Variants in KDM3A observed in about 807,000 individuals in gnomAD.
The protein encoded by KDM3A is lysine-specific demethylase 3A.
Under a neutral mutation model 158.0 loss-of-function variants are expected in KDM3A, and 60 were observed. The observed-to-expected ratio is 0.38, with a 90% CI of 0.31 to 0.47. The LOEUF (loss-of-function observed/expected upper bound fraction) is 0.47. KDM3A is among the 20% of genes least tolerant of loss of function. The probability of loss-of-function intolerance (pLI) is 0.99; values close to 1 mark genes in which losing one functional copy is unlikely to be tolerated. For synonymous variants in KDM3A, 608 were observed against 549.3 expected (o/e 1.11, Z -1.49); for missense variants, 1,319 against 1,574.3 (o/e 0.84, Z 2.74).
intron 8 of KDM3A, 92 bp from the exon 9 acceptor site, chr2:86,463,961 A>T: frequency 1.2e-6 from 1 of 868,474 alleles, no homozygotes; most frequent in Non-Finnish European, 1.7e-6. Flanking sequence ...ATGTTTGTTT[A>T]GTATTAAGCA....
At position 86,457,033 on chromosome 2, in the gene KDM3A, G is replaced by A; in HGVS notation, c.805G>A (p.Gly269Arg). The A allele has an allele frequency of 1.3e-6, 2 of 1,596,366 alleles. No individual in the cohort carries two copies. Among genetic ancestry groups the A allele is most frequent in the Non-Finnish European group, 1.7e-6 (2 of 1,169,124 alleles). ...AVKRKSSENN[G>R]TLVSKQAKSC... ...AAAACGCAAGTCTTCTGAGAATAAT[G>A]GAACCCTGGTTTCCAAACAAGCAAA... Residue 269 changes from glycine (G) to arginine (R), a missense_variant, in exon 8 of 26, where the codon GGA (glycine) becomes AGA (arginine). Around this residue, in one of 4 missense-constraint regions of KDM3A, gnomAD observed 652 missense variants for 627.2 expected, o/e 1.04. Transcript: ENST00000312912.
intron 21 of KDM3A, chr2:86,488,664 G>A (rs534247256): frequency 6.6e-6 from 1 of 152,448 alleles, no homozygotes; most frequent in Non-Finnish European, 1.5e-5. Context: ...ACTACAAGCT[G>A]TGCTTCTCCC....
upstream of KDM3A, among the ~76,000 whole-genome samples, chr2:86,440,112 C>T (rs1682610567): frequency 6.6e-6 from 1 of 152,124 alleles, no homozygotes; most frequent in Non-Finnish European, 1.5e-5. Flanking sequence ...CTTCTTTCAG[C>T]TGGATAGGTT....
intron 23 of KDM3A, 169 bp from the exon 24 acceptor site, chr2:86,490,712 G>A (rs937905190): frequency 5.5e-6 from 3 of 543,646 alleles, no homozygotes; most frequent in African/African-American, 3.8e-5. Flanking sequence ...TCTTCTGTTG[G>A]TTCATTCAGC....
chr2:86,452,195 C>CTTTTTTTTTTTTTTT (rs35158232), intron 4 of KDM3A, among the ~76,000 whole-genome samples: 1 of 138,666 alleles, frequency 7.2e-6, no homozygotes. Flanking sequence ...CATTTTTGTG[C>CTTTTTTTTTTTTTTT]TTTTTTTTTT....
At chr2:86,461,914 C>T (rs1350371287) in intron 8 of KDM3A, among the ~76,000 whole-genome samples, 1 of 152,094 alleles carries the variant, frequency 6.6e-6, no homozygotes, top group African/African-American at 2.4e-5. Flanking sequence ...GGAGGAGGAG[C>T]AGGAGTGGTA....
At chr2:86,456,594 A>G (rs1418881335) in intron 6 of KDM3A, 28 bp downstream of exon 6, 4 of 1,588,456 alleles carry the variant, frequency 2.5e-6, no homozygotes, top group Non-Finnish European at 3.4e-6. Context: ...TCTTTGTAAG[A>G]TAACTCGACA....
At position 86,482,671 on chromosome 2, in the gene KDM3A, AG is replaced by A; in HGVS notation, c.2902del (p.Glu968SerfsTer9). The A allele has an allele frequency of 6.2e-7, 1 of 1,614,050 alleles. No individual in the cohort carries two copies. Among genetic ancestry groups the A allele is most frequent in the Non-Finnish European group, 8.5e-7 (1 of 1,180,014 alleles). On this transcript the variant is annotated frameshift_variant, in exon 18 of 26. Transcript: ENST00000312912. LOFTEE classifies it high-confidence loss of function. ...PNNKSNWNVFRECWKQGQPVM... is the reference protein window; with the variant it reads ...PNNKSNWNVFXECWKQGQPVM... ...CAATAAGAGCAACTGGAATGTGTTT[AG>A]GGAGTGCTGGAAACAAGGGCAGGTA...
At position 86,456,438 on chromosome 2, in the gene KDM3A, T is replaced by A; in HGVS notation, c.557-4T>A. ...AAGATTTTTTTTTTTTTTTTTTTTTTAAGGTGACAAAAACTTAGTTGGTTC... is the reference window on the plus strand; with the variant it reads ...AAGATTTTTTTTTTTTTTTTTTTTTAAAGGTGACAAAAACTTAGTTGGTTC... On this transcript the variant is annotated splice_polypyrimidine_tract_variant and splice_region_variant and intron_variant, in intron 5 of 25. Transcript: ENST00000312912. The A allele has an allele frequency of 4.1e-6, 6 of 1,462,626 alleles. No homozygotes were observed. The highest frequency in any genetic ancestry group is 2.7e-5 in the South Asian group (2 of 74,364). 90.6% of individuals were successfully genotyped at this position (1,462,626 alleles called of 1,614,324 possible).
intron 12 of KDM3A, 84 bp downstream of exon 12, chr2:86,475,074 G>GT (rs1305025837): frequency 1.4e-4 from 156 of 1,091,770 alleles, no homozygotes; most frequent in South Asian, 8.1e-4. Context: ...AATTGCTTGG[G>GT]TTTTTTTTCA....
At chr2:86,482,190 G>T in intron 17 of KDM3A, 88 bp downstream of exon 17, 1 of 1,417,340 alleles carries the variant, frequency 7.1e-7, no homozygotes, top group Non-Finnish European at 9.9e-7. Context: ...AAGTAGAAAG[G>T]AGACTGAATC....
intron 14 of KDM3A, 66 bp from the exon 15 acceptor site, chr2:86,478,542 C>T (rs1573196732): frequency 3.2e-6 from 5 of 1,559,182 alleles, no homozygotes; most frequent in Non-Finnish European, 4.4e-6. Flanking sequence ...AGCTTCTGCT[C>T]TGTAATGTTG....
At chr2:86,487,939 CCTGCTGAGGCTTT>C (rs1267473737) in intron 21 of KDM3A, 1 of 152,256 alleles carries the variant, frequency 6.6e-6, no homozygotes, top group African/African-American at 2.4e-5. Flanking sequence ...GGCAGCCAGT[CCTGCTGAGGCTTT>C]GCCTCCTAGT....
chr2:86,482,432 A>G (rs1673978715), intron 17 of KDM3A, 26 bp from the exon 18 acceptor site: 6 of 1,608,332 alleles, frequency 3.7e-6, no homozygotes, highest in Non-Finnish European at 5.1e-6. Flanking sequence ...GACATATTTG[A>G]GACTTTTGTT....
chr2:86,480,835 C>T (rs958263369), intron 16 of KDM3A, among the ~76,000 whole-genome samples: 3 of 152,176 alleles, frequency 2.0e-5, no homozygotes, highest in Non-Finnish European at 4.4e-5. Flanking sequence ...TTTATACATA[C>T]CTTAGAAAGA....
chr2:86,486,376 C>T (rs1674181527), intron 21 of KDM3A, among the ~76,000 whole-genome samples: 1 of 152,134 alleles, frequency 6.6e-6, no homozygotes, highest in Admixed American at 6.5e-5. Context: ...AGGAGGATGC[C>T]TGGGATAAAG....
chr2:86,485,991 T>TA, intron 21 of KDM3A, 132 bp downstream of exon 21: 1 of 950,322 alleles, frequency 1.1e-6, no homozygotes, highest in African/African-American at 1.7e-5. Flanking sequence ...CTTTCATTTT[T>TA]ACATATTTCC....
chr2:86,458,693 C>T (rs949521700), intron 8 of KDM3A, among the ~76,000 whole-genome samples: 8 of 151,980 alleles, frequency 5.3e-5, no homozygotes, highest in Admixed American at 3.3e-4. Context: ...ACAGGGAGGA[C>T]GTGTCTTGTT....
chr2:86,490,953 C>T lies in KDM3A; in HGVS notation c.3646C>T (p.Arg1216Ter), dbSNP rs759993386. ...PIHDQSWYLD[R>*]SLRKRLHQEY... ...TCATGATCAAAGCTGGTATTTAGAC[C>T]GATCATTAAGAAAACGTCTTCATCA... Residue 1216 changes from arginine to a stop codon, truncating the protein, a stop_gained, in exon 24 of 26, where the codon CGA becomes TGA. Transcript: ENST00000312912. LOFTEE classifies it high-confidence loss of function. The T allele has an allele frequency of 6.2e-7, 1 of 1,613,732 alleles. No individual in the cohort carries two copies. The highest frequency in any genetic ancestry group is 8.5e-7 in the Non-Finnish European group (1 of 1,179,764).
Sources: allele counts gnomAD v4.1 joint callset (sites outside exome capture counted in the v4.1 genomes callset), GRCh38; gene constraint gnomAD v4.1.1; regional missense constraint gnomAD v4.1.1; transcripts MANE v1.5; gene names NCBI Gene and HGNC (gene_info 2026-07-23, HGNC 2026-07-21).